CNTNAP2: variants seen among roughly 807,000 people sequenced by gnomAD.
CNTNAP2 encodes the protein contactin associated protein 2.
Under a neutral mutation model 155.2 loss-of-function variants are expected in CNTNAP2, and 98 were observed. The ratio of observed to expected loss-of-function variants is 0.63; its 90% CI spans 0.54 to 0.75. The LOEUF is 0.75. CNTNAP2 is among the 30% of genes least tolerant of loss of function. The pLI is 0.00. For missense variants in CNTNAP2, 1,727 were observed against 1,688.1 expected, an observed-to-expected ratio of 1.02 and a Z score of -0.40; for synonymous variants, 651 against 631.2, an observed-to-expected ratio of 1.03 and a Z score of -0.47.
At chr7:148,105,098 G>C (rs1370387946) in intron 15 of CNTNAP2, among the ~76,000 whole-genome samples, 1 of 152,198 alleles carries the variant, frequency 6.6e-6, no homozygotes, top group Non-Finnish European at 1.5e-5. Context: ...GCCTAGCAGA[G>C]GAGAGGAACA....
At chr7:148,384,588 C>A (rs544317920) in intron 22 of CNTNAP2, among the ~76,000 whole-genome samples, 1 of 152,258 alleles carries the variant, frequency 6.6e-6, no homozygotes, top group East Asian at 1.9e-4. Flanking sequence ...GTGACCTGCC[C>A]AAGCCTCTGC....
intron 12 of CNTNAP2, among the ~76,000 whole-genome samples, chr7:147,608,826 AG>A (rs1200851801): frequency 3.3e-5 from 5 of 151,916 alleles, no homozygotes; most frequent in Admixed American, 1.3e-4. Flanking sequence ...AAAGGGAGAT[AG>A]GGGTGGGGCC....
chr7:147,693,361 T>C (rs956567668), intron 13 of CNTNAP2, among the ~76,000 whole-genome samples: 1 of 152,056 alleles, frequency 6.6e-6, no homozygotes, highest in African/African-American at 2.4e-5. Context: ...AAAGATCACT[T>C]TGTCAACATT....
chr7:146,874,083 GGGT>G lies in CNTNAP2; in HGVS notation c.402+34180_402+34182del, dbSNP rs1256266027. ...GGATCAATTTGATGCATCAAAAAGA[GGGT>G]TACTCTTAAATTCTCGGGAGAAGTG... On this transcript the variant is annotated intron_variant, in intron 3 of 23. Coordinates refer to ENST00000361727, the MANE Select transcript of CNTNAP2 (RefSeq NM_014141.6). Among the ~76,000 whole-genome samples, 1,102 of 152,016 alleles carry G rather than the reference GGGT, an allele frequency of 7.2e-3. 15 individuals carry two copies. The highest frequency in any genetic ancestry group is 0.025 in the African/African-American group (1,020 of 41,456).
At chr7:148,289,204 G>A (rs769255290) in intron 21 of CNTNAP2, among the ~76,000 whole-genome samples, 6 of 152,148 alleles carry the variant, frequency 3.9e-5, no homozygotes, top group South Asian at 4.1e-4. Flanking sequence ...TGTGCTTAAC[G>A]GGCCATAGTG....
At position 146,437,204 on chromosome 7, in the gene CNTNAP2, G is replaced by C. The variant is rs995296098; in HGVS notation, c.97+320231G>C. Among the ~76,000 whole-genome samples the C allele has an allele frequency of 3.3e-5, 5 of 151,230 alleles. 1 individual carries two copies. Among genetic ancestry groups the C allele is most frequent in the African/African-American group, 1.2e-4 (5 of 40,638 alleles). On this transcript the variant is annotated intron_variant, in intron 1 of 23. Transcript: ENST00000361727. ...ATCAAGCTAATGCCTGATGATCTTG[G>C]GTGGAACACTTTCATCCTGAAACCA...
At chr7:147,883,747 TTC>T (rs1031218574) in intron 13 of CNTNAP2, among the ~76,000 whole-genome samples, 2 of 151,916 alleles carry the variant, frequency 1.3e-5, no homozygotes, top group African/African-American at 2.4e-5. Flanking sequence ...AAAATTTATT[TTC>T]TCTTTTTTCT....
chr7:146,652,337 C>T (rs952091200), intron 1 of CNTNAP2, among the ~76,000 whole-genome samples: 4 of 152,070 alleles, frequency 2.6e-5, no homozygotes, highest in African/African-American at 7.2e-5. Flanking sequence ...AGACCTACGA[C>T]TGTTGGTTCT....
chr7:147,473,169 T>C (rs142186528), intron 10 of CNTNAP2, among the ~76,000 whole-genome samples: 13 of 152,244 alleles, frequency 8.5e-5, no homozygotes, highest in African/African-American at 2.9e-4. Context: ...CAGGTTGGAG[T>C]TGACTGAAGT....
At chr7:147,874,883 G>A (rs1348931728) in intron 13 of CNTNAP2, among the ~76,000 whole-genome samples, 1 of 152,144 alleles carries the variant, frequency 6.6e-6, no homozygotes, top group Non-Finnish European at 1.5e-5. Flanking sequence ...GATCTCTAGG[G>A]CAGGGGCAAA....
intron 1 of CNTNAP2, among the ~76,000 whole-genome samples, chr7:146,652,085 G>A (rs889848330): frequency 2.6e-5 from 4 of 152,048 alleles, no homozygotes; most frequent in East Asian, 1.9e-4. Flanking sequence ...CAATGCAAAA[G>A]GAAATTCCCA....
chr7:146,449,267 G>T (rs931074987), intron 1 of CNTNAP2, among the ~76,000 whole-genome samples: 2 of 151,982 alleles, frequency 1.3e-5, no homozygotes, highest in African/African-American at 4.8e-5. Flanking sequence ...TTTTATGATG[G>T]CTGCTTTAAA....
intron 3 of CNTNAP2, among the ~76,000 whole-genome samples, chr7:146,924,467 T>C (rs1369482082): frequency 3.3e-5 from 5 of 152,100 alleles, no homozygotes; most frequent in African/African-American, 1.2e-4. Flanking sequence ...ATTTATAATG[T>C]TCATAACAGT....
chr7:148,354,688 T>C (rs1223534331), intron 21 of CNTNAP2, among the ~76,000 whole-genome samples: 1 of 152,110 alleles, frequency 6.6e-6, no homozygotes, highest in African/African-American at 2.4e-5. Flanking sequence ...GCTTTCTTTT[T>C]TTTTTTTTAA....
At chr7:148,027,374 C>T (rs1043979291) in intron 15 of CNTNAP2, among the ~76,000 whole-genome samples, 2 of 152,100 alleles carry the variant, frequency 1.3e-5, no homozygotes, top group East Asian at 3.9e-4. Context: ...TCTTAATTTT[C>T]TTTCTCTCAA....
intron 1 of CNTNAP2, among the ~76,000 whole-genome samples, chr7:146,510,279 C>G (rs1445041351): frequency 6.6e-6 from 1 of 152,194 alleles, no homozygotes; most frequent in South Asian, 2.1e-4. Flanking sequence ...TTATATAGTG[C>G]ATGGGATTGT....
chr7:147,647,766 G>A (rs968828284), intron 13 of CNTNAP2, among the ~76,000 whole-genome samples: 9 of 152,190 alleles, frequency 5.9e-5, no homozygotes, highest in Non-Finnish European at 8.8e-5. Flanking sequence ...CTAGCTAAAG[G>A]AACTGAAAAG....
At chr7:146,304,919 A>C (rs868745612) in intron 1 of CNTNAP2, among the ~76,000 whole-genome samples, 10 of 151,904 alleles carry the variant, frequency 6.6e-5, no homozygotes, top group African/African-American at 2.4e-4. Context: ...TCAGATGTAG[A>C]TTTGGTCTTT....
intron 1 of CNTNAP2, among the ~76,000 whole-genome samples, chr7:146,302,326 G>A (rs550032607): frequency 5.3e-5 from 8 of 152,144 alleles, no homozygotes; most frequent in African/African-American, 1.7e-4. Context: ...ATTTGGTAAG[G>A]TAATATTAAA....
Sources: allele counts gnomAD v4.1 joint callset (sites outside exome capture counted in the v4.1 genomes callset), GRCh38; gene constraint gnomAD v4.1.1; transcripts MANE v1.5; gene names NCBI Gene and HGNC (gene_info 2026-07-23, HGNC 2026-07-21).